The following RETREG3 variants were observed in gnomAD, a reference collection of about 807,000 sequenced individuals.
The protein encoded by RETREG3 is reticulophagy regulator family member 3, also known as reticulophagy regulator 3.
In RETREG3, 23 loss-of-function variants were observed where a neutral mutation model predicts 50.2. The observed-to-expected ratio is 0.46, with a 90% confidence interval of 0.33 to 0.65. RETREG3 has a LOEUF of 0.65. Among genes scored for constraint, RETREG3 ranks in the 30% least tolerant of loss-of-function variants. The pLI is 0.02. For synonymous variants in RETREG3, 240 were observed against 234.4 expected (o/e 1.02, Z -0.22); for missense variants, 546 against 598.0 (o/e 0.91, Z 0.91).
chr17:42,609,385 G>T (rs540562548), upstream of RETREG3: 137 of 1,503,478 alleles, frequency 9.1e-5, no homozygotes, highest in Non-Finnish European at 1.1e-4. Flanking sequence ...AACAGCAACT[G>T]CGCAGATGCG....
In RETREG3 at chr17:42,587,302, AAAAT is replaced by A. The variant is rs370385480; in HGVS notation, c.378-415_378-412del. ...AATGGTGGATGTGCCCCTTAGAAAGAAAATAAATAAAGCAAAACCAAAATAAACC... is the reference window on the plus strand; with the variant it reads ...AATGGTGGATGTGCCCCTTAGAAAGAAAATAAAGCAAAACCAAAATAAACC... On this transcript the variant is annotated intron_variant, in intron 3 of 8. Coordinates refer to ENST00000309428, the MANE Select transcript of RETREG3 (RefSeq NM_178126.4). Among the ~76,000 whole-genome samples, 16 of 152,354 alleles carry A rather than the reference AAAAT, an allele frequency of 1.1e-4. 1 individual carries two copies. The East Asian group carries it at 1.9e-3, about 18-fold the overall frequency.
chr17:42,604,440 C>T (rs922759456), intron 1 of RETREG3, among the ~76,000 whole-genome samples: 2 of 151,930 alleles, frequency 1.3e-5, no homozygotes, highest in Admixed American at 6.6e-5. Flanking sequence ...GAGACCAAGC[C>T]GGGAGGGCTG....
chr17:42,604,175 C>A (rs1026188525), intron 1 of RETREG3, among the ~76,000 whole-genome samples: 1 of 150,958 alleles, frequency 6.6e-6, no homozygotes, highest in African/African-American at 2.4e-5. Flanking sequence ...TTTGGGGGGG[C>A]GGACAAAAAT....
intron 6 of RETREG3, 152 bp downstream of exon 6, chr17:42,584,973 A>T: frequency 1.1e-6 from 1 of 919,980 alleles, no homozygotes. Context: ...AGGTTTCCCT[A>T]GAACAGAATA....
At chr17:42,607,304 G>A (rs189594443) in intron 1 of RETREG3, among the ~76,000 whole-genome samples, 1 of 152,152 alleles carries the variant, frequency 6.6e-6, no homozygotes, top group African/African-American at 2.4e-5. Flanking sequence ...TTCGAGACCA[G>A]CCTGGGCAAT....
At chr17:42,597,073 C>T (rs2093146617) in intron 1 of RETREG3, among the ~76,000 whole-genome samples, 1 of 151,902 alleles carries the variant, frequency 6.6e-6, no homozygotes, top group Admixed American at 6.6e-5. Flanking sequence ...AAGGTTTCAC[C>T]ATGTTGGCTA....
At chr17:42,588,637 C>T (rs186551843) in intron 2 of RETREG3, among the ~76,000 whole-genome samples, 3 of 151,728 alleles carry the variant, frequency 2.0e-5, no homozygotes, top group Admixed American at 6.6e-5. Context: ...CGTGAGCTAC[C>T]GTACCCAGCC....
chr17:42,603,748 C>T (rs1005444464), intron 1 of RETREG3, among the ~76,000 whole-genome samples: 2 of 152,104 alleles, frequency 1.3e-5, no homozygotes, highest in South Asian at 2.1e-4. Flanking sequence ...GAGACCGAGG[C>T]GGGCGGATCA....
rs752710925 is a variant in RETREG3 at position 42,609,128 on chromosome 17, G to A, written c.197C>T (p.Ala66Val). The change falls in exon 1 of 9, where the codon GCT (alanine) becomes GTT (valine). Residue 66 changes from alanine (A) to valine (V), a missense_variant. Coordinates refer to ENST00000309428, the MANE Select transcript of RETREG3 (RefSeq NM_178126.4). ...CCCCAGGCACCACAGAGCGCTCCTAGCTGGCCGCTCCCACACCAGGGCTGC... is the reference window on the plus strand; with the variant it reads ...CCCCAGGCACCACAGAGCGCTCCTAACTGGCCGCTCCCACACCAGGGCTGC... Reference protein sequence around the residue: ...VQAALVWERPARSALWCLGLN... With the variant: ...VQAALVWERPVRSALWCLGLN... The A allele has an allele frequency of 6.2e-6, 10 of 1,609,076 alleles. No individual in the cohort carries two copies. The South Asian group carries it at 1.1e-4, about 18-fold the overall frequency.
intron 1 of RETREG3, among the ~76,000 whole-genome samples, chr17:42,600,190 T>C (rs995495066): frequency 6.6e-6 from 1 of 152,020 alleles, no homozygotes; most frequent in Non-Finnish European, 1.5e-5. Context: ...TGAGACCAGC[T>C]TAGGCAACAC....
intron 1 of RETREG3, among the ~76,000 whole-genome samples, chr17:42,598,327 T>C (rs1243600775): frequency 1.3e-5 from 2 of 152,210 alleles, no homozygotes; most frequent in East Asian, 3.9e-4. Flanking sequence ...AAAAGATAAA[T>C]CTGGGACTAA....
rs1328534879 is a variant in RETREG3 at position 42,581,263 on chromosome 17, G to A, written c.*550C>T. Reference sequence around the variant, plus strand: ...GGGCACCTGTAATCCCACTACTAAGGAGGCTGAGGCAGGAGAACCTCTTCA... The same window carrying A: ...GGGCACCTGTAATCCCACTACTAAGAAGGCTGAGGCAGGAGAACCTCTTCA... On this transcript the variant is annotated 3_prime_UTR_variant, in exon 9 of 9. Transcript: ENST00000309428. 6.6e-6 allele frequency: 1 copy of A among 152,254 alleles called. No homozygotes were observed. The highest frequency in any genetic ancestry group is 6.6e-5 in the Admixed American group (1 of 15,260). 9.4% of individuals were successfully genotyped at this position (152,254 alleles called of 1,614,324 possible).
chr17:42,601,087 C>T (rs1049343640), intron 1 of RETREG3, among the ~76,000 whole-genome samples: 1 of 151,978 alleles, frequency 6.6e-6, no homozygotes, highest in African/African-American at 2.4e-5. Context: ...ACCAGCCTGG[C>T]CAACATGGTG....
At chr17:42,593,519 G>A (rs1443582901) in intron 1 of RETREG3, among the ~76,000 whole-genome samples, 1 of 151,822 alleles carries the variant, frequency 6.6e-6, no homozygotes, top group Admixed American at 6.6e-5. Flanking sequence ...GCATGGTGGC[G>A]GGCGCCTGTA....
At position 42,609,319 on chromosome 17, in the gene RETREG3, A is replaced by T; in HGVS notation, c.6T>A (p.Ala2=). 1 of 1,597,442 alleles carries T rather than the reference A, an allele frequency of 6.3e-7. No individual in the cohort carries two copies. Among genetic ancestry groups the T allele is most frequent in the African/African-American group, 1.3e-5 (1 of 74,956 alleles). Residue 2 remains alanine, a synonymous_variant, in exon 1 of 9, where the codon GCT becomes GCA. Transcript: ENST00000309428. The part of the protein sequence containing the change: M[A]EAEGVPTTPG... ...GGGTCGTGGGAACCCCTTCGGCCTC[A>T]GCCATCTCCCCGCGGCAGCCACAAC...
chr17:42,602,882 G>C (rs932453714), intron 1 of RETREG3, among the ~76,000 whole-genome samples: 4 of 151,994 alleles, frequency 2.6e-5, no homozygotes, highest in African/African-American at 9.7e-5. Flanking sequence ...GGTTGAGGTT[G>C]CAATAAGCCA....
chr17:42,582,354 C>A, intron 8 of RETREG3, 84 bp from the exon 9 acceptor site: 1 of 1,365,402 alleles, frequency 7.3e-7, no homozygotes, highest in Non-Finnish European at 1.0e-6. Context: ...TTTTTCCCAC[C>A]CTGGCTTTCT....
At chr17:42,599,694 T>A (rs1307145600) in intron 1 of RETREG3, among the ~76,000 whole-genome samples, 3 of 147,098 alleles carry the variant, frequency 2.0e-5, no homozygotes, top group Non-Finnish European at 4.5e-5. Context: ...CATGAATTCA[T>A]GTTTATCGAA....
chr17:42,588,874 C>T (rs1348138150), intron 2 of RETREG3, among the ~76,000 whole-genome samples: 2 of 152,160 alleles, frequency 1.3e-5, no homozygotes, highest in Non-Finnish European at 2.9e-5. Context: ...CCAGGCTGGT[C>T]TTGAACTCCT....
Sources: gnomAD v4.1 joint callset for allele counts (sites outside exome capture counted in the v4.1 genomes callset) on GRCh38, gnomAD v4.1.1 for gene constraint, MANE v1.5 for transcripts, NCBI Gene and HGNC (gene_info 2026-07-23, HGNC 2026-07-21) for gene names.